SIPA1L3: variants seen among roughly 807,000 people sequenced by gnomAD.
SIPA1L3 encodes the protein signal induced proliferation associated 1 like 3.
In SIPA1L3, 59 loss-of-function variants were observed where a neutral mutation model predicts 150.1. That is an observed-to-expected ratio of 0.39 (90% confidence interval 0.32 to 0.49). The LOEUF (loss-of-function observed/expected upper bound fraction) is 0.49, where lower values mean the gene tolerates loss of function less well. Among genes scored for constraint, SIPA1L3 ranks in the 20% least tolerant of loss-of-function variants. The pLI, the probability that SIPA1L3 is intolerant of heterozygous loss-of-function variation, is 0.86. For synonymous variants in SIPA1L3, 1,070 were observed against 1,077.6 expected, an observed-to-expected ratio of 0.99 and a Z score of 0.14; for missense variants, 2,211 against 2,489.5, an observed-to-expected ratio of 0.89 and a Z score of 2.38.
chr19:38,138,904 A>AAAAAAAAAAAAC (rs1971502862), intron 10 of SIPA1L3, among the ~76,000 whole-genome samples: 1 of 86,932 alleles, frequency 1.2e-5, no homozygotes, highest in Non-Finnish European at 2.1e-5. Context: ...TCTCAAAAAA[A>AAAAAAAAAAAAC]AAAAAAAAAA....
At chr19:38,052,139 T>C (rs764121094) in intron 2 of SIPA1L3, among the ~76,000 whole-genome samples, 40 of 152,166 alleles carry the variant, frequency 2.6e-4, no homozygotes, top group Non-Finnish European at 3.5e-4. Flanking sequence ...AGGAGGACAT[T>C]TCTATAAAAT....
intron 1 of SIPA1L3, among the ~76,000 whole-genome samples, chr19:37,908,598 G>T (rs1488617869): frequency 6.6e-6 from 1 of 151,566 alleles, no homozygotes; most frequent in Non-Finnish European, 1.5e-5. Flanking sequence ...CTTATTAAAT[G>T]ATTAAATGTA....
chr19:38,190,208 G>A (rs760018242), intron 16 of SIPA1L3, among the ~76,000 whole-genome samples: 1 of 152,232 alleles, frequency 6.6e-6, no homozygotes, highest in African/African-American at 2.4e-5. Context: ...TGGCTGGGGG[G>A]CGTGCTGAAG....
chr19:38,007,191 GC>G (rs759566464), intron 1 of SIPA1L3, among the ~76,000 whole-genome samples: 7 of 151,874 alleles, frequency 4.6e-5, no homozygotes, highest in African/African-American at 7.3e-5. Context: ...GGTGGCTGAC[GC>G]CTGTAATCTC....
chr19:38,203,150 C>G (rs539653788), intron 20 of SIPA1L3, among the ~76,000 whole-genome samples: 1 of 152,300 alleles, frequency 6.6e-6, no homozygotes, highest in African/African-American at 2.4e-5. Context: ...AACTCAACCT[C>G]CACCACGAAC....
At chr19:37,931,460 GT>G (rs1339883680) in intron 1 of SIPA1L3, among the ~76,000 whole-genome samples, 1 of 151,050 alleles carries the variant, frequency 6.6e-6, no homozygotes, top group Admixed American at 6.6e-5. Context: ...TAAAGTAGTG[GT>G]TAAGGCCGGC....
At chr19:38,123,305 T>C (rs855627) in intron 9 of SIPA1L3, among the ~76,000 whole-genome samples, 32,944 of 148,238 alleles carry the variant, frequency 0.22, 4,859 homozygotes, top group African/African-American at 0.43. Flanking sequence ...CTTGGGTGTT[T>C]CTCACAGAGG....
intron 2 of SIPA1L3, among the ~76,000 whole-genome samples, chr19:38,072,997 C>T (rs1387276733): frequency 1.4e-4 from 22 of 152,190 alleles, no homozygotes; most frequent in Non-Finnish European, 1.5e-5. Flanking sequence ...CTGATGCGTC[C>T]CCACTGGCCC....
At chr19:38,197,879 C>CA (rs1023709535) in intron 18 of SIPA1L3, among the ~76,000 whole-genome samples, 8 of 149,912 alleles carry the variant, frequency 5.3e-5, no homozygotes. Flanking sequence ...CAAATCCCCC[C>CA]CCAAACACAC....
In SIPA1L3 at chr19:38,192,183, C is replaced by G. The variant is rs763625718; in HGVS notation, c.4469C>G (p.Pro1490Arg). 9 of 1,612,070 alleles carry G rather than the reference C, an allele frequency of 5.6e-6. No individual in the cohort carries two copies. The South Asian group carries it at 7.7e-5, about 14-fold the overall frequency. ...AACACCAAAAATGTCTTTGGGCAACCGAGGTTGAGGGCATCCCTCCGAGAC... is the reference window on the plus strand; with the variant it reads ...AACACCAAAAATGTCTTTGGGCAACGGAGGTTGAGGGCATCCCTCCGAGAC... ...DTNTKNVFGQ[P>R]RLRASLRDLR... Residue 1490 changes from proline to arginine, a missense_variant, in exon 17 of 22, where the codon CCG becomes CGG. By Grantham distance (103) the Pro-to-Arg change is moderately radical. Around this residue, in one of 5 missense-constraint regions of SIPA1L3, gnomAD observed 806 missense variants for 870.1 expected, o/e 0.93. Coordinates refer to ENST00000222345, the MANE Select transcript of SIPA1L3 (RefSeq NM_015073.3).
chr19:38,153,305 C>T (rs946591675), intron 13 of SIPA1L3, among the ~76,000 whole-genome samples: 3 of 152,210 alleles, frequency 2.0e-5, no homozygotes, highest in South Asian at 2.1e-4. Context: ...GGACTGGCTG[C>T]GTCCCGTGGC....
intron 1 of SIPA1L3, among the ~76,000 whole-genome samples, chr19:37,955,421 G>T (rs934502593): frequency 3.3e-5 from 5 of 150,572 alleles, no homozygotes; most frequent in African/African-American, 1.2e-4. Flanking sequence ...ATGCAATTCA[G>T]CTGTTTTTGG....
rs925648749 is a variant in SIPA1L3 at position 38,088,190 on chromosome 19, AC to A, written c.1535-529del. Among the ~76,000 whole-genome samples the A allele has an allele frequency of 9.3e-4, 142 of 152,216 alleles. 6 individuals are homozygous for A. Among genetic ancestry groups the A allele is most frequent in the Non-Finnish European group, 7.1e-4 (48 of 68,034 alleles). On this transcript the variant is annotated intron_variant, in intron 3 of 21. Transcript: ENST00000222345. ...TGGCACGGTGCTGAAGGCTGGGTCC[AC>A]CTTTAACTTTACGGCTGAAAATGCT...
At chr19:38,115,797 C>G (rs925950879) in intron 8 of SIPA1L3, among the ~76,000 whole-genome samples, 1 of 152,216 alleles carries the variant, frequency 6.6e-6, no homozygotes, top group Non-Finnish European at 1.5e-5. Flanking sequence ...TCATAACATG[C>G]CCTGTTCCCT....
rs192185184 is a variant in SIPA1L3, at chr19:38,119,817, C to A, written c.2803C>A (p.His935Asn). 2.2e-5 allele frequency: 36 copies of A among 1,613,614 alleles called. No individual in the cohort carries two copies. In the African/African-American group the frequency reaches 4.5e-4, roughly 20 times the overall value. The change falls in exon 9 of 22, where the codon CAC becomes AAC. Residue 935 changes from histidine to asparagine, a missense_variant. His to Asn is a moderately conservative substitution (Grantham distance 68). Around this residue, in one of 5 missense-constraint regions of SIPA1L3, gnomAD observed 625 missense variants for 804.2 expected, o/e 0.78. Transcript: ENST00000222345. Reference protein sequence around the residue: ...TLKIFYGRGDHIFLQATEGSV... With the variant: ...TLKIFYGRGDNIFLQATEGSV... ...CAAAATCTTCTATGGACGAGGAGAC[C>A]ACATCTTCCTACAGGCGACAGAGGG...
At position 38,046,810 on chromosome 19, in the gene SIPA1L3, C is replaced by T. The variant is rs574973281; in HGVS notation, c.-311+17654C>T. On this transcript the variant is annotated intron_variant, in intron 2 of 21. Transcript: ENST00000222345. The surrounding 1 kb of genome is among the most constrained non-coding windows in gnomAD (Gnocchi z 5.6). ...GGCTTTGCTGTCCCTTCTGCTGTAC[C>T]CACAGCTGCCCGCTCAGAGCAAGGT... Among the ~76,000 whole-genome samples, 1 of 152,274 alleles carries T rather than the reference C, an allele frequency of 6.6e-6. No homozygotes were observed. Among genetic ancestry groups the T allele is most frequent in the African/African-American group, 2.4e-5 (1 of 41,560 alleles).
chr19:37,940,481 A>G (rs971867766), intron 1 of SIPA1L3, among the ~76,000 whole-genome samples: 2 of 152,192 alleles, frequency 1.3e-5, no homozygotes, highest in African/African-American at 4.8e-5. Context: ...AATAATTAAC[A>G]TTAATTGCTT....
rs1288291741 is a variant in SIPA1L3, at chr19:38,164,884, C to G, written c.4186C>G (p.Arg1396Gly). The G allele has an allele frequency of 6.5e-7, 1 of 1,550,304 alleles. No homozygotes were observed. Among genetic ancestry groups the G allele is most frequent in the East Asian group, 2.3e-5 (1 of 44,134 alleles). ...STPTGLAGGS[R>G]DPPRQPSDMG... is the part of the protein sequence containing the mutation. ...CCCCACGGGACTGGCGGGGGGCAGC[C>G]GAGACCCACCGAGGCAGCCCAGGTA... Residue 1396 changes from arginine to glycine, a missense_variant, in exon 15 of 22, where the codon CGA (arginine) becomes GGA (glycine). Physicochemically the swap from Arg to Gly is moderately radical, Grantham distance 125. Around this residue, in one of 5 missense-constraint regions of SIPA1L3, gnomAD observed 806 missense variants for 870.1 expected, o/e 0.93. Transcript: ENST00000222345. The surrounding 1 kb of genome is among the most constrained non-coding windows in gnomAD (Gnocchi z 4.1).
intron 1 of SIPA1L3, among the ~76,000 whole-genome samples, chr19:37,928,883 G>A (rs188572523): frequency 6.6e-6 from 1 of 152,280 alleles, no homozygotes; most frequent in Non-Finnish European, 1.5e-5. Flanking sequence ...CACAATGCCT[G>A]CAGGGACCCC....
Sources: allele counts gnomAD v4.1 joint callset (sites outside exome capture counted in the v4.1 genomes callset), GRCh38; gene constraint gnomAD v4.1.1; regional missense constraint gnomAD v4.1.1; non-coding constraint Gnocchi (gnomAD v3.1); transcripts MANE v1.5; gene names NCBI Gene and HGNC (gene_info 2026-07-23, HGNC 2026-07-21).